Variants in CIP2A observed in about 807,000 individuals in gnomAD.
The protein encoded by CIP2A is cellular inhibitor of PP2A.
CIP2A carries 103 observed loss-of-function variants against 110.9 expected under a neutral mutation model. The observed-to-expected ratio is 0.93, with a 90% CI of 0.79 to 1.09. The LOEUF (loss-of-function observed/expected upper bound fraction) is 1.09. Ranked by LOEUF, CIP2A falls within the 50% of genes least tolerant of loss-of-function variation. The probability of loss-of-function intolerance (pLI) is 0.00; values close to 1 mark genes in which losing one functional copy is unlikely to be tolerated. For missense variants in CIP2A, 1,088 were observed against 1,038.4 expected (o/e 1.05, Z -0.66); for synonymous variants, 381 against 361.6 (o/e 1.05, Z -0.61).
At position 108,585,045 on chromosome 3, in the gene CIP2A, G is replaced by C; in HGVS notation, c.250+20C>G. ...TCATACATCTTCCAAAAACTAAAAA[G>C]GAGAAATTAAATGCATTACCTAGTT... On this transcript the variant is annotated intron_variant, in intron 2 of 20. Coordinates refer to ENST00000295746, the MANE Select transcript of CIP2A (RefSeq NM_020890.3). The C allele has an allele frequency of 6.3e-7, 1 of 1,593,336 alleles. No individual in the cohort carries two copies. Among genetic ancestry groups the C allele is most frequent in the Non-Finnish European group, 8.5e-7 (1 of 1,170,512 alleles).
intron 1 of CIP2A, 35 bp downstream of exon 1, chr3:108,589,239 A>G (rs2107385808): frequency 6.7e-7 from 1 of 1,490,746 alleles, no homozygotes; most frequent in Non-Finnish European, 9.4e-7. Flanking sequence ...TTGCTAGGGG[A>G]AGCCCCATCT....
intron 16 of CIP2A, among the ~76,000 whole-genome samples, 157 bp from the exon 17 acceptor site, chr3:108,557,571 A>G (rs534750796): frequency 1.3e-5 from 2 of 152,114 alleles, no homozygotes; most frequent in Non-Finnish European, 2.9e-5. Context: ...CTTTACTTCT[A>G]ATAAGTTGGA....
chr3:108,570,154 A>G (rs1576308327), intron 8 of CIP2A, among the ~76,000 whole-genome samples: 1 of 152,046 alleles, frequency 6.6e-6, no homozygotes, highest in East Asian at 1.9e-4. Flanking sequence ...AACATCCCCC[A>G]TCAACCAGTT....
At chr3:108,554,647 T>C (rs746023137) in intron 17 of CIP2A, among the ~76,000 whole-genome samples, 158 bp from the exon 18 acceptor site, 6 of 152,210 alleles carry the variant, frequency 3.9e-5, no homozygotes, top group African/African-American at 9.6e-5. Flanking sequence ...CAGAATTTCA[T>C]CTACTCTAAA....
chr3:108,570,994 CT>C (rs558752229), intron 8 of CIP2A, among the ~76,000 whole-genome samples: 2 of 151,948 alleles, frequency 1.3e-5, no homozygotes, highest in Middle Eastern at 3.2e-3. Context: ...TCTTTTTAAA[CT>C]TTTTTTGTTA....
At chr3:108,556,474 A>G (rs1215584076) in intron 17 of CIP2A, among the ~76,000 whole-genome samples, 1 of 152,204 alleles carries the variant, frequency 6.6e-6, no homozygotes, top group Non-Finnish European at 1.5e-5. Context: ...AAATTGGTAC[A>G]GGTTGAGCAA....
chr3:108,559,076 T>C (rs1008996407), intron 16 of CIP2A, among the ~76,000 whole-genome samples: 2 of 151,942 alleles, frequency 1.3e-5, no homozygotes, highest in African/African-American at 2.4e-5. Flanking sequence ...GAGAAGAGGG[T>C]AGAAGACTAC....
At chr3:108,575,627 T>TAC (rs1384423308) in intron 8 of CIP2A, among the ~76,000 whole-genome samples, 4 of 68,182 alleles carry the variant, frequency 5.9e-5, no homozygotes, top group Admixed American at 2.5e-4. Flanking sequence ...TGTGTATATA[T>TAC]ACGTGTATAT....
rs139451918 is a variant in CIP2A at position 108,585,066 on chromosome 3, T to C, written c.249A>G (p.Leu83=). The C allele has an allele frequency of 1.9e-6, 3 of 1,608,096 alleles. No homozygotes were observed. The highest frequency in any genetic ancestry group is 1.3e-5 in the African/African-American group (1 of 74,612). Residue 83 remains leucine, a splice_region_variant and synonymous_variant, in exon 2 of 21, where the codon CTA becomes CTG. Coordinates refer to ENST00000295746, the MANE Select transcript of CIP2A (RefSeq NM_020890.3). ...AAAAGGAGAAATTAAATGCATTACCTAGTTGAGACAGCAAACCGATAATAC... is the reference window on the plus strand; with the variant it reads ...AAAAGGAGAAATTAAATGCATTACCCAGTTGAGACAGCAAACCGATAATAC... ...ILSIIGLLSQ[L]AVDIETRDCL...
At chr3:108,569,652 T>G (rs773258567) in intron 8 of CIP2A, 45 bp from the exon 9 acceptor site, 2 of 1,399,826 alleles carry the variant, frequency 1.4e-6, no homozygotes, top group East Asian at 2.4e-5. Flanking sequence ...TCACAGAACT[T>G]TAATATACAA....
intron 8 of CIP2A, among the ~76,000 whole-genome samples, chr3:108,570,890 T>C (rs1270921998): frequency 6.6e-6 from 1 of 152,200 alleles, no homozygotes; most frequent in Non-Finnish European, 1.5e-5. Context: ...TTGACTCTTT[T>C]GTAGTAAGAG....
intron 12 of CIP2A, among the ~76,000 whole-genome samples, chr3:108,563,849 A>G (rs1938091685): frequency 6.6e-6 from 1 of 151,940 alleles, no homozygotes; most frequent in South Asian, 2.1e-4. Flanking sequence ...GGGCATCCCT[A>G]ATCCAAAAAC....
chr3:108,558,460 A>T (rs1937887409), intron 16 of CIP2A, among the ~76,000 whole-genome samples: 1 of 152,152 alleles, frequency 6.6e-6, no homozygotes, highest in Admixed American at 6.6e-5. Flanking sequence ...CTCTTAAGGT[A>T]TACATTATAT....
chr3:108,568,389 G>A (rs1401645861), intron 9 of CIP2A, 75 bp from the exon 10 acceptor site: 2 of 1,196,974 alleles, frequency 1.7e-6, no homozygotes, highest in African/African-American at 3.1e-5. Flanking sequence ...TCACTGAATT[G>A]TAACACTCTC....
At position 108,550,112 on chromosome 3, in the gene CIP2A, T is replaced by C. The variant is rs913738539; in HGVS notation, c.*1037A>G. ...ACACCAAGTAAAATTAATGACTGTATTGGTATAGCAATAAAATCAATCAAA... is the reference window on the plus strand; with the variant it reads ...ACACCAAGTAAAATTAATGACTGTACTGGTATAGCAATAAAATCAATCAAA... On this transcript the variant is annotated 3_prime_UTR_variant, in exon 21 of 21. Transcript: ENST00000295746. 1 of 151,938 alleles carries C rather than the reference T, an allele frequency of 6.6e-6. No individual in the cohort carries two copies. Among genetic ancestry groups the C allele is most frequent in the African/African-American group, 2.4e-5 (1 of 41,444 alleles). 9.4% of individuals were successfully genotyped at this position (151,938 alleles called of 1,614,324 possible). A position where few individuals can be genotyped will look rare whatever the true frequency, so the allele number is the denominator to read the frequency against.
rs769307931 is a variant in CIP2A at position 108,579,657 on chromosome 3, A to G, written c.581T>C (p.Ile194Thr). Residue 194 changes from isoleucine (I) to threonine (T), a missense_variant, in exon 6 of 21, where the codon ATC becomes ACC. Transcript: ENST00000295746. Reference protein sequence around the residue: ...SNVKSFYRTLITLLAHSSLTV... With the variant: ...SNVKSFYRTLTTLLAHSSLTV... Reference sequence around the variant, plus strand: ...TAAACTACTATGGGCCAACAAGGTGATAAGAGTTCGATAAAAAGATTTCAC... The same window carrying G: ...TAAACTACTATGGGCCAACAAGGTGGTAAGAGTTCGATAAAAAGATTTCAC... 1.9e-6 allele frequency: 3 copies of G among 1,588,052 alleles called. No individual in the cohort carries two copies. Among genetic ancestry groups the G allele is most frequent in the Middle Eastern group, 1.7e-4 (1 of 5,978 alleles).
rs1938783919 is a variant in CIP2A, at chr3:108,579,359, C to T, written c.740G>A (p.Gly247Asp). The change falls in exon 7 of 21, where the codon GGC becomes GAC. Residue 247 changes from glycine to aspartate, a missense_variant. Physicochemically the swap from Gly to Asp is moderately conservative, Grantham distance 94. Coordinates refer to ENST00000295746, the MANE Select transcript of CIP2A (RefSeq NM_020890.3). ...LIFNILINGD[G>D]TLTRKYSVDL... Reference sequence around the variant, plus strand: ...AACTGAATACTTTCTAGTTAGAGTGCCATCACCGTTTATGAGAATATTAAA... The same window carrying T: ...AACTGAATACTTTCTAGTTAGAGTGTCATCACCGTTTATGAGAATATTAAA... 2 of 1,604,090 alleles carry T rather than the reference C, an allele frequency of 1.2e-6. No homozygotes were observed. Among genetic ancestry groups the T allele is most frequent in the Non-Finnish European group, 1.7e-6 (2 of 1,171,420 alleles).
rs780050701 is a variant in CIP2A, at chr3:108,589,401, GACC to G, written c.-29_-27del. 6 of 1,537,496 alleles carry G rather than the reference GACC, an allele frequency of 3.9e-6. No homozygotes were observed. The highest frequency in any genetic ancestry group is 1.4e-5 in the African/African-American group (1 of 73,160). ...TGCACCGGCCGCGGCCCGGCTTAGG[GACC>G]ACCACCGCCCAGCGTGCGCCGGCCT... is the stretch of plus-strand genomic sequence containing the variant. On this transcript the variant is annotated 5_prime_UTR_variant, in exon 1 of 21. Coordinates refer to ENST00000295746, the MANE Select transcript of CIP2A (RefSeq NM_020890.3).
chr3:108,578,618 A>T (rs1046011718), intron 7 of CIP2A, among the ~76,000 whole-genome samples: 2 of 152,136 alleles, frequency 1.3e-5, no homozygotes, highest in Non-Finnish European at 2.9e-5. Flanking sequence ...TTGTGTGTGA[A>T]ACTCTTTGAA....
Sources: allele counts gnomAD v4.1 joint callset (sites outside exome capture counted in the v4.1 genomes callset), GRCh38; gene constraint gnomAD v4.1.1; transcripts MANE v1.5; gene names NCBI Gene and HGNC (gene_info 2026-07-23, HGNC 2026-07-21).